The following LYPLAL1 variants were observed in gnomAD, a reference collection of about 807,000 sequenced individuals.
LYPLAL1 encodes the protein lysophospholipase-like protein 1.
In LYPLAL1, 23 loss-of-function variants were observed where a neutral mutation model predicts 19.7. That is an observed-to-expected ratio of 1.17 (90% CI 0.84 to 1.65). The LOEUF is 1.65. Ranked by LOEUF, LYPLAL1 falls within the 40% of genes most tolerant of loss-of-function variation. The pLI, the probability that LYPLAL1 is intolerant of heterozygous loss-of-function variation, is 0.00. For missense variants in LYPLAL1, 355 were observed against 279.4 expected (o/e 1.27, Z -1.93); for synonymous variants, 119 against 96.3 (o/e 1.24, Z -1.38).
chr1:219,226,337 T>G, the LYPLAL1 span, among the ~76,000 whole-genome samples: 1 of 152,214 alleles, frequency 6.6e-6, no homozygotes, highest in South Asian at 2.1e-4. Context: ...GTTTTTTGCC[T>G]TTGTTTTCCC....
the LYPLAL1 span, among the ~76,000 whole-genome samples, chr1:219,238,116 T>G: frequency 1.4e-5 from 2 of 142,244 alleles, no homozygotes; most frequent in Non-Finnish European, 3.0e-5. Context: ...GCTTGGTGGA[T>G]CTAAACTTTT....
At chr1:219,327,865 G>A in the LYPLAL1 span, among the ~76,000 whole-genome samples, 1 of 152,056 alleles carries the variant, frequency 6.6e-6, no homozygotes, top group Non-Finnish European at 1.5e-5. Flanking sequence ...CTTCCACCAT[G>A]ATTTTGAGAC....
chr1:219,442,844 G>C, the LYPLAL1 span, among the ~76,000 whole-genome samples: 1 of 152,116 alleles, frequency 6.6e-6, no homozygotes, highest in East Asian at 1.9e-4. Context: ...AGAAAGTTTT[G>C]TGATTAATGG....
the LYPLAL1 span, among the ~76,000 whole-genome samples, chr1:219,364,446 A>C: frequency 2.0e-5 from 3 of 152,040 alleles, no homozygotes; most frequent in African/African-American, 7.2e-5. Context: ...GCTCCTTTGT[A>C]TCACTCCAGA....
chr1:219,204,704 A>C (rs889250472), intron 3 of LYPLAL1, among the ~76,000 whole-genome samples: 1 of 152,198 alleles, frequency 6.6e-6, no homozygotes, highest in Non-Finnish European at 1.5e-5. Context: ...AGTAGGATAT[A>C]ATTATTTTCA....
chr1:219,196,155 A>G (rs1326964811), intron 3 of LYPLAL1, among the ~76,000 whole-genome samples: 1 of 152,136 alleles, frequency 6.6e-6, no homozygotes, highest in African/African-American at 2.4e-5. Context: ...ATGTATCTTT[A>G]TAATAGAATG....
At chr1:219,299,140 CTTT>C in the LYPLAL1 span, among the ~76,000 whole-genome samples, 13,284 of 129,602 alleles carry the variant, frequency 0.1, 555 homozygotes, top group Non-Finnish European at 0.12. Flanking sequence ...CCTCCCCCAG[CTTT>C]TTTTTTTTTT....
At chr1:219,253,488 T>C in the LYPLAL1 span, among the ~76,000 whole-genome samples, 2 of 152,070 alleles carry the variant, frequency 1.3e-5, no homozygotes, top group Non-Finnish European at 2.9e-5. Context: ...TTGGTTCTTA[T>C]TATTTTCAAA....
At chr1:219,300,010 G>A in the LYPLAL1 span, among the ~76,000 whole-genome samples, 1 of 152,074 alleles carries the variant, frequency 6.6e-6, no homozygotes, top group Non-Finnish European at 1.5e-5. Flanking sequence ...ACAGAGTCTC[G>A]CTCTGTCACC....
In LYPLAL1 at chr1:219,210,629, A is replaced by G. The variant is rs756959750; in HGVS notation, c.459A>G (p.Lys153=). The change falls in exon 4 of 5, where the codon AAA becomes AAG. Residue 153 remains lysine (K), a synonymous_variant. Transcript: ENST00000366928. The part of the protein sequence containing the change: ...GVFALSSFLN[K]ASAVYQALQK... ...TTGCTCTTTCTAGTTTTCTGAATAA[A>G]GCATCTGCTGTTTACCAGGTAAGTT... The G allele has an allele frequency of 8.7e-6, 14 of 1,609,036 alleles. No individual in the cohort carries two copies. The highest frequency in any genetic ancestry group is 1.2e-5 in the Non-Finnish European group (14 of 1,177,334).
chr1:219,216,725 A>G (rs1471274011), downstream of LYPLAL1, among the ~76,000 whole-genome samples: 1 of 151,794 alleles, frequency 6.6e-6, no homozygotes. Flanking sequence ...GCAGTACTCT[A>G]CTCTGTGAAC....
At chr1:219,413,304 G>A in the LYPLAL1 span, among the ~76,000 whole-genome samples, 1 of 152,168 alleles carries the variant, frequency 6.6e-6, no homozygotes, top group African/African-American at 2.4e-5. Flanking sequence ...TAAAATGGTA[G>A]CCATCTTTTT....
At chr1:219,298,252 G>A in the LYPLAL1 span, among the ~76,000 whole-genome samples, 1 of 152,216 alleles carries the variant, frequency 6.6e-6, no homozygotes. Flanking sequence ...CAAGGCTGCA[G>A]TGAGCCGAGA....
chr1:219,231,677 A>G, the LYPLAL1 span, among the ~76,000 whole-genome samples: 1 of 152,226 alleles, frequency 6.6e-6, no homozygotes, highest in Non-Finnish European at 1.5e-5. Flanking sequence ...TTCATTTTTA[A>G]ACAGATGGCA....
chr1:219,280,009 TA>T, the LYPLAL1 span, among the ~76,000 whole-genome samples: 1 of 152,236 alleles, frequency 6.6e-6, no homozygotes, highest in Non-Finnish European at 1.5e-5. Flanking sequence ...ATTACATATA[TA>T]ACAAACGTTT....
At chr1:219,434,823 C>A in the LYPLAL1 span, among the ~76,000 whole-genome samples, 1 of 151,804 alleles carries the variant, frequency 6.6e-6, no homozygotes, top group Non-Finnish European at 1.5e-5. Context: ...TTTTTGCAAT[C>A]AAGAAATAAT....
At chr1:219,397,910 T>C in the LYPLAL1 span, among the ~76,000 whole-genome samples, 1 of 152,232 alleles carries the variant, frequency 6.6e-6, no homozygotes, top group Non-Finnish European at 1.5e-5. Context: ...AGGTTTCTGC[T>C]GAGAGGTCTG....
At chr1:219,287,019 G>A in the LYPLAL1 span, among the ~76,000 whole-genome samples, 1 of 152,170 alleles carries the variant, frequency 6.6e-6, no homozygotes, top group South Asian at 2.1e-4. Context: ...TTGAATGGCA[G>A]GATGGAGTAA....
chr1:219,319,082 T>C, the LYPLAL1 span, among the ~76,000 whole-genome samples: 1 of 152,158 alleles, frequency 6.6e-6, no homozygotes, highest in Non-Finnish European at 1.5e-5. Flanking sequence ...AGAGATAATA[T>C]GATGCAATGC....
Sources: gnomAD v4.1 joint callset for allele counts (sites outside exome capture counted in the v4.1 genomes callset) on GRCh38, gnomAD v4.1.1 for gene constraint, MANE v1.5 for transcripts, NCBI Gene and HGNC (gene_info 2026-07-23, HGNC 2026-07-21) for gene names.